TRAF3IP2: variants seen among roughly 807,000 people sequenced by gnomAD.
TRAF3IP2 encodes E3 ubiquitin ligase TRAF3IP2.
In TRAF3IP2, 35 loss-of-function variants were observed where a neutral mutation model predicts 57.9. That is an observed-to-expected ratio of 0.60 (90% CI 0.46 to 0.80). TRAF3IP2 has a LOEUF of 0.80. Among genes scored for constraint, TRAF3IP2 ranks in the 30% least tolerant of loss-of-function variants. The pLI is 0.00. For synonymous variants in TRAF3IP2, 251 were observed against 268.9 expected (o/e 0.93, Z 0.65); for missense variants, 556 against 706.4 (o/e 0.79, Z 2.41).
In TRAF3IP2 at chr6:111,591,032, C is replaced by A. The variant is rs1002053828; in HGVS notation, c.829+226G>T. 6.6e-6 allele frequency among the ~76,000 whole-genome samples: 1 copy of A among 152,122 alleles called. No homozygotes were observed. The highest frequency in any genetic ancestry group is 2.4e-5 in the African/African-American group (1 of 41,428). ...GAACCCATTTTGTCCTTAAAGGTCC[C>A]TAGAGAAGGAGACTCCAAGTGGGAC... On this transcript the variant is annotated intron_variant, in intron 2 of 8. Transcript: ENST00000368761. The surrounding 1 kb of genome is among the most constrained non-coding windows in gnomAD (Gnocchi z 4.9).
chr6:111,566,421 G>T (rs745890841), intron 7 of TRAF3IP2, 23 bp downstream of exon 7: 4 of 1,576,848 alleles, frequency 2.5e-6, no homozygotes, highest in African/African-American at 1.3e-5. Context: ...ACAGTGAGGT[G>T]TTGTGATCCC....
At chr6:111,569,322 TA>T (rs896773554) in intron 5 of TRAF3IP2, among the ~76,000 whole-genome samples, 1 of 152,258 alleles carries the variant, frequency 6.6e-6, no homozygotes, top group Non-Finnish European at 1.5e-5. Flanking sequence ...GAAATGTTAC[TA>T]AAACTCTCTA....
At chr6:111,605,638 A>T (rs1796998507) in intron 1 of TRAF3IP2, 138 bp downstream of exon 1, 2 of 152,342 alleles carry the variant, frequency 1.3e-5, no homozygotes, top group Admixed American at 6.5e-5. Context: ...TCTCTGTGCG[A>T]ACAAGTTAAA....
rs568557904 is a variant in TRAF3IP2 at position 111,582,220 on chromosome 6, A to G, written c.830-1831T>C. 4.5e-4 allele frequency among the ~76,000 whole-genome samples: 69 copies of G among 152,232 alleles called. 3 individuals carry two copies. Among genetic ancestry groups the G allele is most frequent in the Middle Eastern group, 3.4e-3 (1 of 294 alleles). On this transcript the variant is annotated intron_variant, in intron 2 of 8. Coordinates refer to ENST00000368761, the MANE Select transcript of TRAF3IP2 (RefSeq NM_147686.4). Reference sequence around the variant, plus strand: ...TGGTCAGATTCCCTGGACTCAATCTATTATTGTCTCCTTTGACCCATGTCA... The same window carrying G: ...TGGTCAGATTCCCTGGACTCAATCTGTTATTGTCTCCTTTGACCCATGTCA...
At chr6:111,575,943 T>G in intron 3 of TRAF3IP2, 122 bp from the exon 4 acceptor site, 1 of 914,274 alleles carries the variant, frequency 1.1e-6, no homozygotes, top group Non-Finnish European at 1.6e-6. Flanking sequence ...CCTCTATTTC[T>G]TAACTGAGAC....
intron 2 of TRAF3IP2, among the ~76,000 whole-genome samples, chr6:111,581,408 C>T (rs983948551): frequency 6.6e-6 from 1 of 152,094 alleles, no homozygotes; most frequent in Non-Finnish European, 1.5e-5. Context: ...AGCAGTAAGA[C>T]GATCCAGGAG....
chr6:111,594,582 G>A (rs1796621813), intron 1 of TRAF3IP2: 1 of 427,370 alleles, frequency 2.3e-6, no homozygotes, highest in Non-Finnish European at 4.6e-6. Flanking sequence ...ACATAAACTG[G>A]AAATCTGAGG....
At position 111,591,201 on chromosome 6, in the gene TRAF3IP2, C is replaced by T. The variant is rs1796498959; in HGVS notation, c.829+57G>A. ...AGTGACACGAAGCATTGATGTGAGG[C>T]CCTTGTTTCTTCAGTCACCCAGCCC... On this transcript the variant is annotated intron_variant, in intron 2 of 8. Transcript: ENST00000368761. This position sits in a 1 kb window ranked among gnomAD's most constrained non-coding sequence, Gnocchi z 4.9. The T allele has an allele frequency of 7.5e-7, 1 of 1,341,604 alleles. No homozygotes were observed. Among genetic ancestry groups the T allele is most frequent in the African/African-American group, 1.5e-5 (1 of 68,720 alleles). The allele number at this position is 1,341,604 out of a possible 1,614,324, so 83.1% of individuals were successfully genotyped here.
intron 1 of TRAF3IP2, among the ~76,000 whole-genome samples, chr6:111,605,061 T>A (rs550473105): frequency 6.7e-6 from 1 of 150,060 alleles, no homozygotes; most frequent in Non-Finnish European, 1.5e-5. Flanking sequence ...TTTTAAAAAA[T>A]TTGGCCTCTT....
intron 5 of TRAF3IP2, 117 bp downstream of exon 5, chr6:111,572,778 A>G: frequency 2.5e-6 from 2 of 809,474 alleles, no homozygotes; most frequent in South Asian, 1.5e-5. Flanking sequence ...GCATAATCAC[A>G]TAAATCAAAT....
chr6:111,573,128 C>T (rs1420720757), intron 4 of TRAF3IP2, 145 bp from the exon 5 acceptor site: 7 of 656,454 alleles, frequency 1.1e-5, no homozygotes, highest in East Asian at 5.5e-5. Context: ...CTTATGCCTA[C>T]GTTGTATGCT....
intron 1 of TRAF3IP2, among the ~76,000 whole-genome samples, chr6:111,596,477 G>T (rs146150516): frequency 6.6e-6 from 1 of 151,936 alleles, no homozygotes; most frequent in African/African-American, 2.4e-5. Flanking sequence ...TTTCTGAGAC[G>T]GAGTCTTGCT....
chr6:111,592,253 T>C (rs1796548881), intron 1 of TRAF3IP2, among the ~76,000 whole-genome samples, 159 bp from the exon 2 acceptor site: 1 of 152,242 alleles, frequency 6.6e-6, no homozygotes, highest in African/African-American at 2.4e-5. Context: ...TGTTTACTTA[T>C]CCTCCAGGCA....
At chr6:111,561,721 G>T (rs964524278) in intron 8 of TRAF3IP2, among the ~76,000 whole-genome samples, 3 of 152,164 alleles carry the variant, frequency 2.0e-5, no homozygotes, top group African/African-American at 7.2e-5. Context: ...AAGAAAGGTG[G>T]ATATGATCTT....
At chr6:111,603,219 A>G (rs142888698) in intron 1 of TRAF3IP2, among the ~76,000 whole-genome samples, 1,674 of 152,320 alleles carry the variant, frequency 0.011, 13 homozygotes, top group Non-Finnish European at 0.017. Flanking sequence ...AAGTGGGAGA[A>G]AGGACAGCCT....
At chr6:111,592,755 G>T (rs1034491066) in intron 1 of TRAF3IP2, among the ~76,000 whole-genome samples, 1 of 149,110 alleles carries the variant, frequency 6.7e-6, no homozygotes, top group African/African-American at 2.4e-5. Flanking sequence ...AAAAATAAAA[G>T]TGTTTTTTTT....
intron 8 of TRAF3IP2, 69 bp downstream of exon 8, chr6:111,562,896 T>C (rs2128369632): frequency 1.6e-6 from 2 of 1,214,920 alleles, no homozygotes; most frequent in East Asian, 4.8e-5. Flanking sequence ...AGGTTTTCCA[T>C]TTAAAATCCC....
intron 2 of TRAF3IP2, among the ~76,000 whole-genome samples, chr6:111,587,485 C>T (rs1220283738): frequency 6.6e-6 from 1 of 152,004 alleles, no homozygotes; most frequent in Non-Finnish European, 1.5e-5. Flanking sequence ...GAACTCCTGA[C>T]CTCAAGTGAT....
chr6:111,585,820 C>A (rs1883136), intron 2 of TRAF3IP2, among the ~76,000 whole-genome samples: 86,687 of 151,980 alleles, frequency 0.57, 25,143 homozygotes, highest in South Asian at 0.65. Context: ...AAATGAAAAT[C>A]TTGCACAATC....
Sources: gnomAD v4.1 joint callset for allele counts (sites outside exome capture counted in the v4.1 genomes callset) on GRCh38, gnomAD v4.1.1 for gene constraint, Gnocchi (gnomAD v3.1) non-coding constraint, MANE v1.5 for transcripts, NCBI Gene and HGNC (gene_info 2026-07-23, HGNC 2026-07-21) for gene names.